ANKRD31: variants seen among roughly 807,000 people sequenced by gnomAD.
ANKRD31 encodes the protein ankyrin repeat domain-containing protein 31.
Under a neutral mutation model 186.0 loss-of-function variants are expected in ANKRD31, and 147 were observed. That is an observed-to-expected ratio of 0.79 (90% confidence interval 0.69 to 0.91). The LOEUF is 0.91. Among genes scored for constraint, ANKRD31 ranks in the 40% least tolerant of loss-of-function variants. The pLI is 0.00. For synonymous variants in ANKRD31, 673 were observed against 736.4 expected, an observed-to-expected ratio of 0.91 and a Z score of 1.39; for missense variants, 1,986 against 2,148.8, an observed-to-expected ratio of 0.92 and a Z score of 1.50.
chr5:75,081,940 ACTGGGCCTTACC>A (rs1745115189), intron 24 of ANKRD31, among the ~76,000 whole-genome samples: 1 of 152,166 alleles, frequency 6.6e-6, no homozygotes, highest in Non-Finnish European at 1.5e-5. Flanking sequence ...AATTCAGGTT[ACTGGGCCTTACC>A]CCATGATTTG....
At position 75,154,326 on chromosome 5, in the gene ANKRD31, A is replaced by G. The variant is rs1196724199; in HGVS notation, c.1727T>C (p.Leu576Pro). ...TCTAAATAATGGATCAGCTCCATTC[A>G]GAAGAAGTAACTCTGCCACCTAGAA... ...GHYKVAELLL[L>P]NGADPLFRND... The change falls in exon 12 of 26, where the codon CTG becomes CCG. Residue 576 changes from leucine (L) to proline (P), a missense_variant. Leu to Pro is a moderately conservative substitution (Grantham distance 98). Coordinates refer to ENST00000506364, the MANE Select transcript of ANKRD31 (RefSeq NM_001372053.1). 6.5e-7 allele frequency: 1 copy of G among 1,531,698 alleles called. No individual in the cohort carries two copies. The highest frequency in any genetic ancestry group is 8.7e-7 in the Non-Finnish European group (1 of 1,144,632). 94.9% of individuals were successfully genotyped at this position (1,531,698 alleles called of 1,614,324 possible). A position where few individuals can be genotyped will look rare whatever the true frequency, so the allele number is the denominator to read the frequency against.
At chr5:75,120,050 T>C (rs567039054) in intron 17 of ANKRD31, among the ~76,000 whole-genome samples, 116 of 151,994 alleles carry the variant, frequency 7.6e-4, no homozygotes, top group African/African-American at 2.7e-3. Context: ...AAATTGTGTG[T>C]TAAAAATAAA....
chr5:75,086,879 G>A lies in ANKRD31; in HGVS notation c.5473-2505C>T, dbSNP rs77208547. Among the ~76,000 whole-genome samples the A allele has an allele frequency of 7.1e-3, 1,078 of 151,744 alleles. 33 individuals are homozygous for A. In the East Asian group the frequency reaches 0.073, roughly 10 times the overall value. ...GTAGAATGTGTGTGTGTACGCGCAC[G>A]TGTGCACGCATGTGCATACACACAC... On this transcript the variant is annotated intron_variant, in intron 23 of 25. Transcript: ENST00000506364.
At chr5:75,235,005 T>G (rs192832787) in intron 1 of ANKRD31, among the ~76,000 whole-genome samples, 17 of 152,278 alleles carry the variant, frequency 1.1e-4, no homozygotes, top group Non-Finnish European at 2.2e-4. Context: ...TGTAATACAC[T>G]AAATTCCCAT....
intron 12 of ANKRD31, among the ~76,000 whole-genome samples, chr5:75,151,442 G>A (rs1751833351): frequency 6.6e-6 from 1 of 151,990 alleles, no homozygotes; most frequent in Admixed American, 6.6e-5. Flanking sequence ...CTGTTCTCCT[G>A]ATAGTGAATA....
At chr5:75,143,158 C>G (rs1434049565) in intron 15 of ANKRD31, among the ~76,000 whole-genome samples, 1 of 152,114 alleles carries the variant, frequency 6.6e-6, no homozygotes, top group African/African-American at 2.4e-5. Flanking sequence ...CTCATCATTT[C>G]TTCTGTGTGT....
chr5:75,210,931 A>G (rs1756592552), intron 3 of ANKRD31, 66 bp from the exon 4 acceptor site: 2 of 1,108,744 alleles, frequency 1.8e-6, no homozygotes, highest in African/African-American at 1.6e-5. Flanking sequence ...AGCTAAAAAA[A>G]TTAACATTTA....
At chr5:75,141,985 AC>A (rs1161788030) in intron 15 of ANKRD31, among the ~76,000 whole-genome samples, 1 of 152,200 alleles carries the variant, frequency 6.6e-6, no homozygotes, top group African/African-American at 2.4e-5. Context: ...ACATAAAATA[AC>A]AAAATCTGAT....
intron 2 of ANKRD31, among the ~76,000 whole-genome samples, chr5:75,226,829 AT>A (rs1179184104): frequency 6.6e-6 from 1 of 152,218 alleles, no homozygotes. Context: ...GGGAATGTAA[AT>A]TAGTACAATC....
chr5:75,145,165 T>C (rs7721544), intron 14 of ANKRD31, among the ~76,000 whole-genome samples: 3,461 of 152,270 alleles, frequency 0.023, 132 homozygotes, highest in African/African-American at 0.079. Flanking sequence ...TCAACCATTA[T>C]GGAAGACAGT....
chr5:75,153,752 T>A (rs1751986876), intron 12 of ANKRD31, among the ~76,000 whole-genome samples: 1 of 152,192 alleles, frequency 6.6e-6, no homozygotes, highest in African/African-American at 2.4e-5. Flanking sequence ...CATAATTTTT[T>A]ATTGAAAACT....
chr5:75,147,481 G>A lies in ANKRD31; in HGVS notation c.1930C>T (p.His644Tyr). Reference protein sequence around the residue: ...HKKPKFSSKSHIWHVYNENSN... With the variant: ...HKKPKFSSKSYIWHVYNENSN... The stretch of plus-strand genomic sequence containing the variant: ...TTTTCATTATAAACATGCCAAATGT[G>A]ACTTTTAGAACTGAACTTTGGTTTC... Residue 644 changes from histidine (H) to tyrosine (Y), a missense_variant, in exon 14 of 26, where the codon CAC becomes TAC. By Grantham distance (83) the His-to-Tyr change is moderately conservative (BLOSUM62 2). Coordinates refer to ENST00000506364, the MANE Select transcript of ANKRD31 (RefSeq NM_001372053.1). 1 of 1,465,286 alleles carries A rather than the reference G, an allele frequency of 6.8e-7. No individual in the cohort carries two copies. The highest frequency in any genetic ancestry group is 8.9e-7 in the Non-Finnish European group (1 of 1,118,816). The allele number at this position is 1,465,286 out of a possible 1,614,324, so 90.8% of individuals were successfully genotyped here.
chr5:75,196,924 G>T lies in ANKRD31; in HGVS notation c.448-724C>A, dbSNP rs751499925. On this transcript the variant is annotated intron_variant, in intron 6 of 25. Coordinates refer to ENST00000506364, the MANE Select transcript of ANKRD31 (RefSeq NM_001372053.1). ...TCCTTTTTTTTCTTTTTTTTGAGAT[G>T]AGGTCTCACTCTGTCACCCAGGCTG... Among the ~76,000 whole-genome samples, 38 of 149,398 alleles carry T rather than the reference G, an allele frequency of 2.5e-4. 1 individual carries two copies. The highest frequency in any genetic ancestry group is 8.9e-5 in the Non-Finnish European group (6 of 67,552).
intron 16 of ANKRD31, among the ~76,000 whole-genome samples, chr5:75,138,360 C>A (rs911800212): frequency 2.0e-5 from 3 of 152,144 alleles, no homozygotes; most frequent in Admixed American, 6.5e-5. Flanking sequence ...TAAAATGACA[C>A]CTGGTTTAAT....
chr5:75,105,451 C>T (rs186044568), intron 21 of ANKRD31, among the ~76,000 whole-genome samples: 235 of 151,992 alleles, frequency 1.5e-3, no homozygotes, highest in Non-Finnish European at 1.5e-3. Flanking sequence ...TAAATGTGCC[C>T]TTTTTTTAAG....
At chr5:75,114,170 G>T (rs147261328) in intron 19 of ANKRD31, among the ~76,000 whole-genome samples, 3 of 151,856 alleles carry the variant, frequency 2.0e-5, no homozygotes, top group African/African-American at 7.3e-5. Flanking sequence ...GATGGGTTTC[G>T]CAGCAAAGTT....
chr5:75,196,926 G>A (rs757128252), intron 6 of ANKRD31, among the ~76,000 whole-genome samples: 3 of 149,912 alleles, frequency 2.0e-5, no homozygotes, highest in Non-Finnish European at 3.0e-5. Flanking sequence ...TTTGAGATGA[G>A]GTCTCACTCT....
chr5:75,211,005 A>AGTTT, intron 3 of ANKRD31, 140 bp from the exon 4 acceptor site: 1 of 585,094 alleles, frequency 1.7e-6, no homozygotes, highest in Non-Finnish European at 2.8e-6. Context: ...CATAAAATTT[A>AGTTT]CTATCTATTT....
intron 15 of ANKRD31, among the ~76,000 whole-genome samples, chr5:75,140,256 A>AG (rs1750920653): frequency 4.4e-5 from 4 of 90,706 alleles, no homozygotes; most frequent in African/African-American, 1.8e-4. Context: ...GGAAGGAAGG[A>AG]AGGAAGGAAG....
Sources: allele counts gnomAD v4.1 joint callset (sites outside exome capture counted in the v4.1 genomes callset), GRCh38; gene constraint gnomAD v4.1.1; transcripts MANE v1.5; gene names NCBI Gene and HGNC (gene_info 2026-07-23, HGNC 2026-07-21).